PCDH9: variants seen among roughly 807,000 people sequenced by gnomAD.
PCDH9 encodes protocadherin 9, also known as protocadherin-9.
Under a neutral mutation model 70.6 loss-of-function variants are expected in PCDH9, and 24 were observed. The ratio of observed to expected loss-of-function variants is 0.34; its 90% CI spans 0.25 to 0.48. The LOEUF is 0.48. PCDH9 is among the 20% of genes least tolerant of loss of function. PCDH9 has a pLI of 0.99. For synonymous variants in PCDH9, 562 were observed against 558.5 expected (o/e 1.01, Z -0.09); for missense variants, 1,281 against 1,503.6 (o/e 0.85, Z 2.45).
chr13:67,033,493 G>A (rs147671962), intron 2 of PCDH9, among the ~76,000 whole-genome samples: 1 of 152,226 alleles, frequency 6.6e-6, no homozygotes, highest in African/African-American at 2.4e-5. Flanking sequence ...TTCAATCTGT[G>A]AGCAAATAGA....
chr13:67,081,773 A>T (rs2085988238), intron 2 of PCDH9, among the ~76,000 whole-genome samples: 1 of 152,184 alleles, frequency 6.6e-6, no homozygotes. Flanking sequence ...TACCATTATT[A>T]TTAATATCTG....
chr13:67,106,152 C>CA (rs948417512), intron 2 of PCDH9, among the ~76,000 whole-genome samples: 1 of 151,820 alleles, frequency 6.6e-6, no homozygotes, highest in Non-Finnish European at 1.5e-5. Context: ...AAAAGGGAGT[C>CA]AAAAAAAGTA....
intron 3 of PCDH9, among the ~76,000 whole-genome samples, chr13:66,761,807 T>C (rs942663757): frequency 7.1e-6 from 1 of 140,630 alleles, no homozygotes; most frequent in Non-Finnish European, 1.6e-5. Flanking sequence ...TTCTTGAATA[T>C]TGGTGAGCTT....
Position 67,227,766 on chromosome 13 carries a change from C to T in PCDH9, c.675G>A (p.Glu225=). The T allele has an allele frequency of 3.7e-6, 6 of 1,613,764 alleles. No individual in the cohort carries two copies. In the South Asian group the frequency reaches 5.5e-5, roughly 15 times the overall value. ...KDTYVMKIKV[E]DGGTPQKSST... The stretch of plus-strand genomic sequence containing the variant: ...TGGATTTCTGTGGAGTGCCTCCATC[C>T]TCTACTTTGATTTTCATCACATAGG... The change falls in exon 2 of 5, where the codon GAG becomes GAA. Residue 225 remains glutamate (E), a synonymous_variant. Coordinates refer to ENST00000377865, the MANE Select transcript of PCDH9 (RefSeq NM_203487.3). The surrounding 1 kb of genome is among the most constrained non-coding windows in gnomAD (Gnocchi z 4.6).
In PCDH9 at chr13:66,507,698, T is replaced by TTTTGTTTGTTTG. The variant is rs143044642; in HGVS notation, c.3340+123500_3340+123511dup. On this transcript the variant is annotated intron_variant, in intron 4 of 4. Transcript: ENST00000377865. ...ACCCCTACCTTGCATTTCCTTTCTT[T>TTTTGTTTGTTTG]TTTGTTTGTTTGTTTGTTTGTTTGT... 5.4e-5 allele frequency among the ~76,000 whole-genome samples: 8 copies of TTTTGTTTGTTTG among 149,454 alleles called. No individual in the cohort carries two copies. In the East Asian group the frequency reaches 8.1e-4, roughly 15 times the overall value.
At chr13:66,683,510 A>G (rs1413130682) in intron 3 of PCDH9, among the ~76,000 whole-genome samples, 1 of 152,218 alleles carries the variant, frequency 6.6e-6, no homozygotes, top group Non-Finnish European at 1.5e-5. Context: ...GGATGCATTC[A>G]CAACCCATAT....
chr13:66,533,620 AGACAT>A (rs1176940194), intron 4 of PCDH9, among the ~76,000 whole-genome samples: 3 of 152,178 alleles, frequency 2.0e-5, no homozygotes, highest in Non-Finnish European at 4.4e-5. Flanking sequence ...TCTACAAAAT[AGACAT>A]GACATAAAAG....
intron 4 of PCDH9, among the ~76,000 whole-genome samples, chr13:66,454,680 G>T (rs2138436526): frequency 6.6e-6 from 1 of 152,224 alleles, no homozygotes; most frequent in African/African-American, 2.4e-5. Context: ...TTACTGGCAA[G>T]ATTTTCTTTC....
chr13:66,548,354 C>A (rs1290543463), intron 4 of PCDH9, among the ~76,000 whole-genome samples: 1 of 152,136 alleles, frequency 6.6e-6, no homozygotes, highest in East Asian at 1.9e-4. Context: ...CACCTGAAGT[C>A]AGGAGTTCAA....
intron 4 of PCDH9, among the ~76,000 whole-genome samples, chr13:66,581,588 C>T (rs947979246): frequency 8.5e-5 from 13 of 152,190 alleles, no homozygotes; most frequent in South Asian, 4.2e-4. Context: ...AAAGGAAGGA[C>T]GTTACTTCAA....
At chr13:66,889,491 G>C (rs1381020837) in intron 3 of PCDH9, among the ~76,000 whole-genome samples, 1 of 152,108 alleles carries the variant, frequency 6.6e-6, no homozygotes, top group Non-Finnish European at 1.5e-5. Context: ...ATGGGTGCTG[G>C]TAAATGAGCT....
At chr13:67,089,983 G>T (rs2086185701) in intron 2 of PCDH9, among the ~76,000 whole-genome samples, 1 of 151,658 alleles carries the variant, frequency 6.6e-6, no homozygotes, top group Non-Finnish European at 1.5e-5. Context: ...AATTGGTTTT[G>T]CAAGTTTTCC....
At chr13:66,309,074 GTACT>G (rs1293210425) in intron 4 of PCDH9, among the ~76,000 whole-genome samples, 1 of 151,966 alleles carries the variant, frequency 6.6e-6, no homozygotes, top group Admixed American at 6.6e-5. Context: ...TATTTATGGG[GTACT>G]TACTTTATGC....
At chr13:66,390,270 T>A (rs1208012097) in intron 4 of PCDH9, among the ~76,000 whole-genome samples, 1 of 152,192 alleles carries the variant, frequency 6.6e-6, no homozygotes, top group African/African-American at 2.4e-5. Flanking sequence ...GAGATCAATG[T>A]GGACTATTGG....
chr13:66,570,264 A>G (rs929951101), intron 4 of PCDH9, among the ~76,000 whole-genome samples: 7 of 152,106 alleles, frequency 4.6e-5, no homozygotes, highest in African/African-American at 1.7e-4. Flanking sequence ...GAGGAGGGAA[A>G]TGTGGAGAGC....
rs74942566 is a variant in PCDH9 at position 66,939,820 on chromosome 13, G to A, written c.3037-36215C>T. Reference sequence around the variant, plus strand: ...AGACTACAAGGCTCAACGTATAGGCGCATTTAGTATGCTGTCAGGTAATAT... The same window carrying A: ...AGACTACAAGGCTCAACGTATAGGCACATTTAGTATGCTGTCAGGTAATAT... On this transcript the variant is annotated intron_variant, in intron 2 of 4. Coordinates refer to ENST00000377865, the MANE Select transcript of PCDH9 (RefSeq NM_203487.3). Among the ~76,000 whole-genome samples, 888 of 152,144 alleles carry A rather than the reference G, an allele frequency of 5.8e-3. 8 individuals carry two copies. Among genetic ancestry groups the A allele is most frequent in the African/African-American group, 0.02 (840 of 41,528 alleles).
At chr13:66,983,884 G>T (rs1399406834) in intron 2 of PCDH9, among the ~76,000 whole-genome samples, 2 of 151,286 alleles carry the variant, frequency 1.3e-5, no homozygotes, top group South Asian at 2.1e-4. Flanking sequence ...CCTCAGGCAG[G>T]CCCCAGTGTC....
At chr13:67,022,389 G>T (rs2084695788) in intron 2 of PCDH9, among the ~76,000 whole-genome samples, 1 of 151,968 alleles carries the variant, frequency 6.6e-6, no homozygotes, top group African/African-American at 2.4e-5. Context: ...CCAAAGTGCT[G>T]GGATTACAGG....
chr13:66,809,871 A>G (rs772949927), intron 3 of PCDH9, among the ~76,000 whole-genome samples: 16 of 152,318 alleles, frequency 1.1e-4, no homozygotes, highest in Non-Finnish European at 4.4e-5. Flanking sequence ...AAGCCTTTTT[A>G]AATTTTATAA....
Sources: gnomAD v4.1 joint callset for allele counts (sites outside exome capture counted in the v4.1 genomes callset) on GRCh38, gnomAD v4.1.1 for gene constraint, Gnocchi (gnomAD v3.1) non-coding constraint, MANE v1.5 for transcripts, NCBI Gene and HGNC (gene_info 2026-07-23, HGNC 2026-07-21) for gene names.